RAPGEF5: variants seen among roughly 807,000 people sequenced by gnomAD.
RAPGEF5 encodes the protein M-Ras-regulated GEF.
Under a neutral mutation model 125.2 loss-of-function variants are expected in RAPGEF5, and 65 were observed. The ratio of observed to expected loss-of-function variants is 0.52; its 90% CI spans 0.43 to 0.64. The LOEUF is 0.64. RAPGEF5 is among the 30% of genes least tolerant of loss of function. RAPGEF5 has a pLI of 0.00. For missense variants in RAPGEF5, 958 were observed against 1,048.1 expected (o/e 0.91, Z 1.19); for synonymous variants, 391 against 385.9 (o/e 1.01, Z -0.16).
At chr7:22,189,164 T>A (rs1337339151) in intron 11 of RAPGEF5, among the ~76,000 whole-genome samples, 2 of 151,990 alleles carry the variant, frequency 1.3e-5, no homozygotes. Context: ...TTGGCTTTTT[T>A]TTTTCTTGGA....
At chr7:22,255,360 G>T (rs567028996) in intron 7 of RAPGEF5, among the ~76,000 whole-genome samples, 1 of 152,054 alleles carries the variant, frequency 6.6e-6, no homozygotes, top group Admixed American at 6.5e-5. Flanking sequence ...AGGTCAAGGC[G>T]GGAGGACTGC....
chr7:22,207,812 A>T (rs893749812), intron 9 of RAPGEF5, among the ~76,000 whole-genome samples: 3 of 152,222 alleles, frequency 2.0e-5, no homozygotes, highest in African/African-American at 7.2e-5. Context: ...TGTAAACTCC[A>T]ATATGCAACC....
At chr7:22,168,539 G>A (rs1784244770) in intron 11 of RAPGEF5, among the ~76,000 whole-genome samples, 1 of 152,198 alleles carries the variant, frequency 6.6e-6, no homozygotes, top group Non-Finnish European at 1.5e-5. Context: ...ATGATGATGT[G>A]TAAGTAAAAA....
intron 5 of RAPGEF5, among the ~76,000 whole-genome samples, chr7:22,296,018 A>T (rs1033098848): frequency 1.5e-4 from 23 of 151,850 alleles, no homozygotes; most frequent in Non-Finnish European, 3.2e-4. Context: ...AAGGAGAACA[A>T]AGGAGGCAGA....
At chr7:22,213,376 T>G (rs534408982) in intron 9 of RAPGEF5, among the ~76,000 whole-genome samples, 1 of 152,338 alleles carries the variant, frequency 6.6e-6, no homozygotes, top group South Asian at 2.1e-4. Flanking sequence ...TTTGCTGCAG[T>G]TGTGAAATGT....
Position 22,290,669 on chromosome 7 carries a change from C to T in RAPGEF5, c.747+506G>A, listed in dbSNP as rs917836426. 2.8e-5 allele frequency among the ~76,000 whole-genome samples: 4 copies of T among 144,310 alleles called. No homozygotes were observed. In the South Asian group the frequency reaches 7.5e-4, roughly 27 times the overall value. 94.7% of individuals were successfully genotyped at this position (144,310 alleles called of 152,430 possible). A position where few individuals can be genotyped will look rare whatever the true frequency, so the allele number is the denominator to read the frequency against. On this transcript the variant is annotated intron_variant, in intron 6 of 25. Transcript: ENST00000665637. ...CTGAGGCAGGAGAATGGCGTGAACC[C>T]GGGAGGCGGAGCTTGCAGTGAGCCG...
In RAPGEF5 at chr7:22,158,181, G is replaced by C. The variant is rs78958458; in HGVS notation, c.1527-296C>G. On this transcript the variant is annotated intron_variant, in intron 14 of 25. Coordinates refer to ENST00000665637, the MANE Select transcript of RAPGEF5 (RefSeq NM_012294.5). ...GATCTGCTCAGTCCATGGGAACTCA[G>C]TCCACAGAAATGAGGATTTTTTAAA... Among the ~76,000 whole-genome samples the C allele has an allele frequency of 3.2e-3, 484 of 151,446 alleles. 4 individuals carry two copies. The highest frequency in any genetic ancestry group is 0.011 in the African/African-American group (464 of 41,232).
chr7:22,353,109 T>G (rs1424312190), intron 1 of RAPGEF5, among the ~76,000 whole-genome samples: 2 of 152,184 alleles, frequency 1.3e-5, no homozygotes, highest in Admixed American at 6.5e-5. Flanking sequence ...TATATCTAAC[T>G]GCCAGATCAC....
At chr7:22,297,200 GA>G (rs1488631370) in intron 5 of RAPGEF5, among the ~76,000 whole-genome samples, 7 of 152,070 alleles carry the variant, frequency 4.6e-5, no homozygotes. Flanking sequence ...GATGAAGCAG[GA>G]AAAAAATGAG....
intron 2 of RAPGEF5, among the ~76,000 whole-genome samples, chr7:22,316,986 A>C (rs78331213): frequency 0.016 from 2,413 of 152,046 alleles, 61 homozygotes; most frequent in African/African-American, 0.055. Context: ...TAAAAAAAAA[A>C]AAAAAACAAA....
chr7:22,331,216 G>A (rs895942238), intron 1 of RAPGEF5, among the ~76,000 whole-genome samples: 6 of 152,238 alleles, frequency 3.9e-5, no homozygotes, highest in African/African-American at 1.2e-4. Flanking sequence ...ATCTTTCACT[G>A]AGGGTAAGAT....
intron 1 of RAPGEF5, among the ~76,000 whole-genome samples, chr7:22,320,683 C>A (rs142118876): frequency 6.6e-6 from 1 of 152,270 alleles, no homozygotes; most frequent in Admixed American, 6.5e-5. Context: ...CCCAGGGCTT[C>A]ATCTCATCAC....
chr7:22,217,431 G>A (rs574607197), intron 9 of RAPGEF5, among the ~76,000 whole-genome samples: 6 of 152,310 alleles, frequency 3.9e-5, no homozygotes, highest in Non-Finnish European at 8.8e-5. Context: ...TAAGGGGTAA[G>A]CAAAGGTATA....
At chr7:22,201,067 T>C (rs1785266705) in intron 9 of RAPGEF5, among the ~76,000 whole-genome samples, 1 of 152,134 alleles carries the variant, frequency 6.6e-6, no homozygotes, top group South Asian at 2.1e-4. Flanking sequence ...TGGTGAGAGA[T>C]AACCAGGACT....
intron 9 of RAPGEF5, among the ~76,000 whole-genome samples, chr7:22,214,133 A>G (rs1785574671): frequency 6.6e-6 from 1 of 152,190 alleles, no homozygotes; most frequent in African/African-American, 2.4e-5. Context: ...GCTGCAGGAA[A>G]CAGGGAAAAG....
rs368169045 is a variant in RAPGEF5 at position 22,167,046 on chromosome 7, C to T, written c.1283+24G>A. On this transcript the variant is annotated intron_variant, in intron 12 of 25. Coordinates refer to ENST00000665637, the MANE Select transcript of RAPGEF5 (RefSeq NM_012294.5). ...TCTGTCTGAGAGGAAGTGGACACAG[C>T]AGCCTGAAGATAATGAAGGATATTG... is the stretch of plus-strand genomic sequence containing the variant. 4.1e-5 allele frequency: 65 copies of T among 1,576,122 alleles called. No individual in the cohort carries two copies. In the African/African-American group the frequency reaches 8.0e-4, roughly 19 times the overall value.
intron 1 of RAPGEF5, among the ~76,000 whole-genome samples, chr7:22,343,904 A>G (rs1472072902): frequency 2.7e-5 from 4 of 149,816 alleles, no homozygotes; most frequent in African/African-American, 7.3e-5. Context: ...GTGTCTGCGG[A>G]AAAAAAAAAG....
intron 21 of RAPGEF5, among the ~76,000 whole-genome samples, chr7:22,137,453 T>A (rs911366421): frequency 6.6e-6 from 1 of 152,016 alleles, no homozygotes; most frequent in African/African-American, 2.4e-5. Context: ...CTTTAATGAG[T>A]GGAATCAATG....
intron 7 of RAPGEF5, among the ~76,000 whole-genome samples, chr7:22,233,664 C>T (rs551878782): frequency 6.6e-6 from 1 of 152,234 alleles, no homozygotes; most frequent in South Asian, 2.1e-4. Context: ...TCCCAAAATG[C>T]TGAAATTACA....
Sources: allele counts gnomAD v4.1 joint callset (sites outside exome capture counted in the v4.1 genomes callset), GRCh38; gene constraint gnomAD v4.1.1; transcripts MANE v1.5; gene names NCBI Gene and HGNC (gene_info 2026-07-23, HGNC 2026-07-21).